Variants in TNRC18 observed in about 807,000 individuals in gnomAD.
The protein encoded by TNRC18 is trinucleotide repeat-containing gene 18 protein.
In TNRC18, 69 loss-of-function variants were observed where a neutral mutation model predicts 226.7. That is an observed-to-expected ratio of 0.30 (90% CI 0.25 to 0.37). The LOEUF is 0.37. Among genes scored for constraint, TNRC18 ranks in the 10% least tolerant of loss-of-function variants. TNRC18 has a pLI of 1.00. For missense variants in TNRC18, 4,754 were observed against 4,256.6 expected, an observed-to-expected ratio of 1.12 and a Z score of -3.25; for synonymous variants, 2,449 against 1,927.6, an observed-to-expected ratio of 1.27 and a Z score of -7.09.
intron 19 of TNRC18, among the ~76,000 whole-genome samples, chr7:5,331,744 T>C (rs1245049343): frequency 4.6e-5 from 7 of 152,168 alleles, no homozygotes; most frequent in African/African-American, 1.4e-4. Flanking sequence ...ACCTTGTCTA[T>C]ACTTAAAATT....
intron 2 of TNRC18, among the ~76,000 whole-genome samples, chr7:5,402,608 CTT>C (rs1309892196): frequency 3.9e-5 from 6 of 152,158 alleles, no homozygotes; most frequent in Non-Finnish European, 8.8e-5. Context: ...AATCCCAGCA[CTT>C]TGGGAGGCCG....
Position 5,388,382 on chromosome 7 carries a change from C to T in TNRC18, c.1442G>A (p.Gly481Asp), listed in dbSNP as rs1138700. 7 of 1,529,698 alleles carry T rather than the reference C, an allele frequency of 4.6e-6. No individual in the cohort carries two copies. The highest frequency in any genetic ancestry group is 6.1e-6 in the Non-Finnish European group (7 of 1,144,552). 94.8% of individuals were successfully genotyped at this position (1,529,698 alleles called of 1,614,324 possible). A position where few individuals can be genotyped will look rare whatever the true frequency, so the allele number is the denominator to read the frequency against. ...DPRPCERAPR[G>D]PAGPAAQQAA... is the part of the protein sequence containing the mutation. ...CTGTTGGGCTGCAGGACCGGCTGGG[C>T]CGCGGGGCGCACGCTCGCAGGGCCT... The change falls in exon 5 of 30, where the codon GGC (glycine) becomes GAC (aspartate). Residue 481 changes from glycine (G) to aspartate (D), a missense_variant. Transcript: ENST00000430969.
chr7:5,376,286 C>T (rs1174728858), intron 8 of TNRC18, 62 bp from the exon 9 acceptor site: 11 of 1,342,134 alleles, frequency 8.2e-6, no homozygotes, highest in Admixed American at 3.1e-5. Flanking sequence ...ATGCCCATTA[C>T]GAGGGGAAGC....
chr7:5,331,896 T>C (rs1440014438), intron 19 of TNRC18, among the ~76,000 whole-genome samples: 1 of 151,802 alleles, frequency 6.6e-6, no homozygotes, highest in Non-Finnish European at 1.5e-5. Context: ...GGTGACAGAG[T>C]GAGACTCTGT....
chr7:5,358,096 A>C (rs1025549771), intron 15 of TNRC18, among the ~76,000 whole-genome samples: 11 of 152,208 alleles, frequency 7.2e-5, no homozygotes, highest in Non-Finnish European at 1.5e-4. Flanking sequence ...TGCCTATCTC[A>C]GCCACCTACA....
chr7:5,354,046 TAAC>T (rs536014887), intron 16 of TNRC18, among the ~76,000 whole-genome samples: 61 of 151,898 alleles, frequency 4.0e-4, no homozygotes, highest in Non-Finnish European at 8.1e-4. Context: ...CTACTAAAAA[TAAC>T]AACATTAGCT....
At chr7:5,322,938 C>A (rs1373920635) in intron 21 of TNRC18, among the ~76,000 whole-genome samples, 2 of 152,226 alleles carry the variant, frequency 1.3e-5, no homozygotes, top group Non-Finnish European at 1.5e-5. Context: ...AATGCTGAGC[C>A]TAGGCCTCGA....
chr7:5,317,530 G>A (rs1323420005), intron 24 of TNRC18, among the ~76,000 whole-genome samples: 1 of 152,066 alleles, frequency 6.6e-6, no homozygotes, highest in Non-Finnish European at 1.5e-5. Context: ...GGTGGAGGCT[G>A]CAGTAAGCTG....
chr7:5,345,919 T>G, intron 17 of TNRC18, 109 bp from the exon 18 acceptor site: 1 of 1,420,390 alleles, frequency 7.0e-7, no homozygotes. Context: ...AGTCCCTCAG[T>G]CCTGAGCAGG....
chr7:5,396,504 A>G (rs563102332), intron 2 of TNRC18, among the ~76,000 whole-genome samples: 16 of 152,300 alleles, frequency 1.1e-4, no homozygotes, highest in Middle Eastern at 3.4e-3. Flanking sequence ...ACTCCAATCC[A>G]GGCGACAGAA....
intron 19 of TNRC18, 97 bp from the exon 20 acceptor site, chr7:5,325,345 C>T: frequency 7.2e-7 from 1 of 1,395,116 alleles, no homozygotes; most frequent in South Asian, 1.3e-5. Context: ...AGTTCTGTGC[C>T]ACCCCAAGTG....
At chr7:5,328,684 A>T (rs1197044443) in intron 19 of TNRC18, among the ~76,000 whole-genome samples, 1 of 151,634 alleles carries the variant, frequency 6.6e-6, no homozygotes, top group South Asian at 2.1e-4. Context: ...ACTTTTTTGT[A>T]TTTTTTTAGT....
intron 5 of TNRC18, among the ~76,000 whole-genome samples, chr7:5,385,318 C>T (rs1295519756): frequency 2.0e-5 from 3 of 152,002 alleles, no homozygotes; most frequent in Non-Finnish European, 4.4e-5. Context: ...GAAACCCCGT[C>T]TCTACTAAAA....
rs1468912125 is a variant in TNRC18, at chr7:5,345,682, G to A, written c.5599C>T (p.Leu1867=). 1.2e-5 allele frequency: 19 copies of A among 1,550,044 alleles called. 1 individual carries two copies. The Admixed American group carries it at 2.5e-4, about 21-fold the overall frequency. ...SPGLEESGLG[L]LARFAASALP... ...GCGCTGGCGGCGAAGCGTGCCAGCA[G>A]GCCCAGCCCACTCTCCTCCAGGCCC... The change falls in exon 18 of 30, where the codon CTG becomes TTG. Residue 1867 remains leucine, a synonymous_variant. Coordinates refer to ENST00000430969, the MANE Select transcript of TNRC18 (RefSeq NM_001080495.3).
chr7:5,376,728 C>T, intron 8 of TNRC18, 119 bp downstream of exon 8: 1 of 1,270,894 alleles, frequency 7.9e-7, no homozygotes, highest in South Asian at 1.4e-5. Flanking sequence ...CCCCGGTCCG[C>T]CTCCCCAGCC....
At position 5,307,420 on chromosome 7, in the gene TNRC18, C is replaced by G. The variant is rs577755985; in HGVS notation, c.*686G>C. The G allele has an allele frequency of 3.0e-6, 1 of 328,676 alleles. No individual in the cohort carries two copies. Among genetic ancestry groups the G allele is most frequent in the Non-Finnish European group, 6.3e-6 (1 of 159,508 alleles). 20.4% of individuals were successfully genotyped at this position (328,676 alleles called of 1,614,324 possible). A position where few individuals can be genotyped will look rare whatever the true frequency, so the allele number is the denominator to read the frequency against. ...TGGGGAGGGGCCAGGCGTGGCCGGG[C>G]GACAGTTTCAGCACCATTGGGGTTT... On this transcript the variant is annotated 3_prime_UTR_variant, in exon 30 of 30. Transcript: ENST00000430969.
intron 17 of TNRC18, among the ~76,000 whole-genome samples, chr7:5,350,067 T>C (rs1791623940): frequency 6.6e-6 from 1 of 151,848 alleles, no homozygotes; most frequent in South Asian, 2.1e-4. Flanking sequence ...GCTCAAAAAC[T>C]TGGAAGCGGA....
At chr7:5,402,079 T>C (rs1333659266) in intron 2 of TNRC18, among the ~76,000 whole-genome samples, 3 of 148,484 alleles carry the variant, frequency 2.0e-5, no homozygotes, top group African/African-American at 5.0e-5. Context: ...CTCCGGAGGC[T>C]GAGGCAGGAG....
rs1782549214 is a variant in TNRC18, at chr7:5,421,043, C to T, written c.187+17G>A. The stretch of plus-strand genomic sequence containing the variant: ...CTGGGAAGACAGGAGGGGACGGGCA[C>T]GGCGCGGGGCACTTACCCGGGTGCG... On this transcript the variant is annotated intron_variant, in intron 2 of 29. Transcript: ENST00000430969. 1.3e-6 allele frequency: 2 copies of T among 1,527,230 alleles called. No individual in the cohort carries two copies. Among genetic ancestry groups the T allele is most frequent in the East Asian group, 5.0e-5 (2 of 40,268 alleles). 94.6% of individuals were successfully genotyped at this position (1,527,230 alleles called of 1,614,324 possible).
Sources: allele counts gnomAD v4.1 joint callset (sites outside exome capture counted in the v4.1 genomes callset), GRCh38; gene constraint gnomAD v4.1.1; transcripts MANE v1.5; gene names NCBI Gene and HGNC (gene_info 2026-07-23, HGNC 2026-07-21).